The following ST6GALNAC3 variants were observed in gnomAD, a reference collection of about 807,000 sequenced individuals.
ST6GALNAC3 encodes ST6 N-acetylgalactosaminide alpha-2,6-sialyltransferase 3.
Under a neutral mutation model 32.7 loss-of-function variants are expected in ST6GALNAC3, and 25 were observed. That is an observed-to-expected ratio of 0.76 (90% CI 0.56 to 1.07). The LOEUF is 1.07. Among genes scored for constraint, ST6GALNAC3 ranks in the 50% least tolerant of loss-of-function variants. The pLI is 0.00. For synonymous variants in ST6GALNAC3, 129 were observed against 133.1 expected, an observed-to-expected ratio of 0.97 and a Z score of 0.21; for missense variants, 355 against 382.4, an observed-to-expected ratio of 0.93 and a Z score of 0.60.
At chr1:76,405,856 A>C (rs979071868) in intron 2 of ST6GALNAC3, among the ~76,000 whole-genome samples, 1 of 151,954 alleles carries the variant, frequency 6.6e-6, no homozygotes, top group Non-Finnish European at 1.5e-5. Flanking sequence ...AATCTATGTC[A>C]ATAAAATATA....
chr1:76,168,629 G>A (rs1463114749), intron 1 of ST6GALNAC3, among the ~76,000 whole-genome samples: 2 of 152,116 alleles, frequency 1.3e-5, no homozygotes, highest in Non-Finnish European at 2.9e-5. Flanking sequence ...CTAATAACTT[G>A]CTTTACGAAT....
At chr1:76,459,776 G>C (rs1289583864) in intron 3 of ST6GALNAC3, among the ~76,000 whole-genome samples, 1 of 152,102 alleles carries the variant, frequency 6.6e-6, no homozygotes, top group East Asian at 1.9e-4. Context: ...CTTTCACTTA[G>C]CATGCATGAT....
rs1216959267 is a variant in ST6GALNAC3 at position 76,630,514 on chromosome 1, C to T, written c.*1708C>T. The T allele has an allele frequency of 3.0e-6, 3 of 985,204 alleles. No homozygotes were observed. Among genetic ancestry groups the T allele is most frequent in the Non-Finnish European group, 3.6e-6 (3 of 829,846 alleles). 61.0% of individuals were successfully genotyped at this position (985,204 alleles called of 1,614,324 possible). A position where few individuals can be genotyped will look rare whatever the true frequency, so the allele number is the denominator to read the frequency against. ...AGAGTAGCTGAGAATTCAAAAACAT[C>T]CTTGCAGAATGATTCAAAAGACAAA... On this transcript the variant is annotated 3_prime_UTR_variant, in exon 5 of 5. Coordinates refer to ENST00000328299, the MANE Select transcript of ST6GALNAC3 (RefSeq NM_152996.4).
rs60960904 is a variant in ST6GALNAC3, at chr1:76,608,597, A to ATGTGTGTG, written c.624-18813_624-18806dup. 2.0e-3 allele frequency among the ~76,000 whole-genome samples: 270 copies of ATGTGTGTG among 135,244 alleles called. 1 individual carries two copies. The highest frequency in any genetic ancestry group is 2.7e-3 in the Admixed American group (37 of 13,482). The allele number at this position is 135,244 out of a possible 152,430, so 88.7% of individuals were successfully genotyped here. ...GAAGATCAAAAGCCCTGAGCTGGAA[A>ATGTGTGTG]TGTGTGTGTGTGTGTGTGTGTGTGT... is the stretch of plus-strand genomic sequence containing the variant. On this transcript the variant is annotated intron_variant, in intron 3 of 4. Coordinates refer to ENST00000328299, the MANE Select transcript of ST6GALNAC3 (RefSeq NM_152996.4).
At chr1:76,090,748 G>T (rs1440818873) in intron 1 of ST6GALNAC3, among the ~76,000 whole-genome samples, 1 of 152,170 alleles carries the variant, frequency 6.6e-6, no homozygotes, top group African/African-American at 2.4e-5. Flanking sequence ...AAAATGATGG[G>T]AAGTACTTTA....
At chr1:76,100,316 GT>G (rs1342394090) in intron 1 of ST6GALNAC3, among the ~76,000 whole-genome samples, 1 of 152,054 alleles carries the variant, frequency 6.6e-6, no homozygotes, top group Non-Finnish European at 1.5e-5. Context: ...TTATCACTGT[GT>G]TAGGTTTGCA....
intron 3 of ST6GALNAC3, among the ~76,000 whole-genome samples, chr1:76,513,247 A>G (rs1028445141): frequency 2.0e-5 from 3 of 152,142 alleles, no homozygotes; most frequent in Non-Finnish European, 2.9e-5. Context: ...GTTTTCTTCT[A>G]GTAGTTTCAT....
At chr1:76,404,782 T>C (rs903553617) in intron 2 of ST6GALNAC3, among the ~76,000 whole-genome samples, 4 of 152,058 alleles carry the variant, frequency 2.6e-5, no homozygotes, top group Non-Finnish European at 5.9e-5. Context: ...TAGTGAGTGG[T>C]GAGTTGCTAA....
chr1:76,508,833 G>A (rs971889122), intron 3 of ST6GALNAC3, among the ~76,000 whole-genome samples: 1 of 152,116 alleles, frequency 6.6e-6, no homozygotes, highest in African/African-American at 2.4e-5. Flanking sequence ...ATATTCAGCT[G>A]ATTTCTGAGA....
chr1:76,378,365 A>C (rs1452303805), intron 2 of ST6GALNAC3, among the ~76,000 whole-genome samples: 1 of 152,156 alleles, frequency 6.6e-6, no homozygotes, highest in Non-Finnish European at 1.5e-5. Flanking sequence ...ATGATTCTAA[A>C]AGTTGCTTTT....
chr1:76,105,463 G>A (rs989870197), intron 1 of ST6GALNAC3, among the ~76,000 whole-genome samples: 14 of 152,176 alleles, frequency 9.2e-5, no homozygotes, highest in African/African-American at 3.4e-4. Flanking sequence ...TTGGCTTGTC[G>A]TAATGAACCA....
chr1:76,552,947 T>A (rs1351502593), intron 3 of ST6GALNAC3, among the ~76,000 whole-genome samples: 1 of 152,210 alleles, frequency 6.6e-6, no homozygotes, highest in Non-Finnish European at 1.5e-5. Flanking sequence ...CATAAAAGAA[T>A]GTTAAATTTC....
At chr1:76,465,008 G>A (rs907436336) in intron 3 of ST6GALNAC3, among the ~76,000 whole-genome samples, 10 of 152,012 alleles carry the variant, frequency 6.6e-5, no homozygotes, top group African/African-American at 9.7e-5. Flanking sequence ...TTCAAAATCA[G>A]GCGTTCTATA....
At chr1:76,400,585 T>C (rs2101210279) in intron 2 of ST6GALNAC3, among the ~76,000 whole-genome samples, 1 of 152,302 alleles carries the variant, frequency 6.6e-6, no homozygotes, top group South Asian at 2.1e-4. Context: ...ACTTCTGTCC[T>C]CTTAGAAAGT....
At chr1:76,110,173 T>C (rs1243799974) in intron 1 of ST6GALNAC3, among the ~76,000 whole-genome samples, 1 of 152,228 alleles carries the variant, frequency 6.6e-6, no homozygotes, top group East Asian at 1.9e-4. Context: ...TGCGGAGAAC[T>C]CTCATATTTT....
At chr1:76,210,803 A>G (rs749523464) in intron 1 of ST6GALNAC3, among the ~76,000 whole-genome samples, 1 of 152,072 alleles carries the variant, frequency 6.6e-6, no homozygotes, top group Non-Finnish European at 1.5e-5. Context: ...CTGGAGTCCA[A>G]TGGCATGATC....
At position 76,446,208 on chromosome 1, in the gene ST6GALNAC3, CA is replaced by C. The variant is rs1224918650; in HGVS notation, c.623+33795del. On this transcript the variant is annotated intron_variant, in intron 3 of 4. Coordinates refer to ENST00000328299, the MANE Select transcript of ST6GALNAC3 (RefSeq NM_152996.4). The stretch of plus-strand genomic sequence containing the variant: ...TTAAACAACAGTTTTAAGTTCACAG[CA>C]AAACTGAAAGGAAAGTACAGCATTA... 3.3e-5 allele frequency among the ~76,000 whole-genome samples: 5 copies of C among 152,254 alleles called. No homozygotes were observed. The East Asian group carries it at 9.6e-4, about 29-fold the overall frequency.
chr1:76,337,004 C>T (rs1357798140), intron 2 of ST6GALNAC3, among the ~76,000 whole-genome samples: 5 of 152,198 alleles, frequency 3.3e-5, no homozygotes, highest in African/African-American at 4.8e-5. Flanking sequence ...TGGAGACAAG[C>T]GGGGCTGACT....
rs888817517 is a variant in ST6GALNAC3, at chr1:76,230,480, G to A, written c.19-83325G>A. On this transcript the variant is annotated intron_variant, in intron 1 of 4. Transcript: ENST00000328299. ...TTTATTTTATTAGCTGAGTTTTTAGGGTCCTATGGCAATATACTAGAGTCC... is the reference window on the plus strand; with the variant it reads ...TTTATTTTATTAGCTGAGTTTTTAGAGTCCTATGGCAATATACTAGAGTCC... 3.3e-5 allele frequency among the ~76,000 whole-genome samples: 5 copies of A among 152,026 alleles called. No homozygotes were observed. The East Asian group carries it at 9.7e-4, about 29-fold the overall frequency.
Sources: allele counts gnomAD v4.1 joint callset (sites outside exome capture counted in the v4.1 genomes callset), GRCh38; gene constraint gnomAD v4.1.1; transcripts MANE v1.5; gene names NCBI Gene and HGNC (gene_info 2026-07-23, HGNC 2026-07-21).